ESR1: variants seen among roughly 807,000 people sequenced by gnomAD.
The protein encoded by ESR1 is estrogen receptor 1.
ESR1 carries 12 observed loss-of-function variants against 52.7 expected under a neutral mutation model. The observed-to-expected ratio is 0.23, with a 90% CI of 0.15 to 0.37. ESR1 has a LOEUF of 0.37. Ranked by LOEUF, ESR1 falls within the 10% of genes least tolerant of loss-of-function variation. The pLI is 1.00. For synonymous variants in ESR1, 305 were observed against 316.8 expected (o/e 0.96, Z 0.39); for missense variants, 584 against 779.7 (o/e 0.75, Z 2.99).
intron 1 of ESR1, among the ~76,000 whole-genome samples, chr6:151,666,967 G>C (rs1280098727): frequency 6.6e-6 from 1 of 152,150 alleles, no homozygotes; most frequent in Non-Finnish European, 1.5e-5. Context: ...GGCAGGAGAG[G>C]AGAGAGGTGG....
intron 5 of ESR1, among the ~76,000 whole-genome samples, chr6:152,027,478 ACT>A (rs952712879): frequency 4.6e-5 from 7 of 151,436 alleles, no homozygotes; most frequent in African/African-American, 1.7e-4. Flanking sequence ...GCTCATGATA[ACT>A]CTTTTTTCTT....
At chr6:152,014,683 T>C (rs2043033056) in intron 5 of ESR1, among the ~76,000 whole-genome samples, 1 of 152,018 alleles carries the variant, frequency 6.6e-6, no homozygotes, top group Non-Finnish European at 1.5e-5. Flanking sequence ...CTCCCCTCTA[T>C]CCCCATTCCT....
At chr6:151,735,565 G>GTT (rs113117602) in intron 2 of ESR1, among the ~76,000 whole-genome samples, 1 of 147,174 alleles carries the variant, frequency 6.8e-6, no homozygotes, top group Non-Finnish European at 1.5e-5. Flanking sequence ...GTTTGTTTTT[G>GTT]TTTTTTTTTT....
At chr6:151,899,841 C>T (rs1367989975) in intron 3 of ESR1, among the ~76,000 whole-genome samples, 2 of 151,702 alleles carry the variant, frequency 1.3e-5, no homozygotes, top group South Asian at 2.1e-4. Flanking sequence ...GATGGGATGG[C>T]GGCCGGGAAG....
intron 1 of ESR1, among the ~76,000 whole-genome samples, chr6:151,658,818 G>A (rs1173284450): frequency 6.6e-6 from 1 of 152,160 alleles, no homozygotes; most frequent in Non-Finnish European, 1.5e-5. Context: ...TAAGGAAGCT[G>A]AGGCTTGGAA....
intron 3 of ESR1, among the ~76,000 whole-genome samples, chr6:151,922,018 C>G (rs140782182): frequency 2.0e-5 from 3 of 152,096 alleles, no homozygotes; most frequent in African/African-American, 7.2e-5. Flanking sequence ...TTGCCTGTGC[C>G]TATATATTTA....
intron 2 of ESR1, among the ~76,000 whole-genome samples, chr6:151,713,027 G>A (rs940904114): frequency 1.3e-5 from 2 of 152,068 alleles, no homozygotes; most frequent in African/African-American, 4.8e-5. Flanking sequence ...TGCCTACTTT[G>A]TTGAGAGTTT....
At chr6:151,977,701 A>G (rs1300437936) in intron 4 of ESR1, among the ~76,000 whole-genome samples, 1 of 152,018 alleles carries the variant, frequency 6.6e-6, no homozygotes, top group Admixed American at 6.6e-5. Context: ...AGGCTGAGGC[A>G]CAAGAATTGC....
intron 2 of ESR1, among the ~76,000 whole-genome samples, chr6:151,855,071 A>G (rs986021232): frequency 1.3e-5 from 2 of 152,024 alleles, no homozygotes. Flanking sequence ...GGGCCACCAC[A>G]CCCAACTAAT....
chr6:151,901,533 C>G (rs1796694012), intron 3 of ESR1, among the ~76,000 whole-genome samples: 1 of 152,212 alleles, frequency 6.6e-6, no homozygotes, highest in East Asian at 1.9e-4. Flanking sequence ...CCCAGTTCCT[C>G]TGGCCACCCT....
chr6:151,717,595 C>G (rs894034754), intron 2 of ESR1, among the ~76,000 whole-genome samples: 1 of 152,042 alleles, frequency 6.6e-6, no homozygotes, highest in Non-Finnish European at 1.5e-5. Flanking sequence ...TAGCATAAAG[C>G]TAATCCAGGA....
chr6:151,682,409 C>G (rs903161443), intron 1 of ESR1, among the ~76,000 whole-genome samples: 1 of 152,152 alleles, frequency 6.6e-6, no homozygotes, highest in African/African-American at 2.4e-5. Context: ...TTATTCTGAG[C>G]TGCCGGGAGC....
chr6:152,057,830 A>G (rs1484677604), intron 5 of ESR1, among the ~76,000 whole-genome samples: 11 of 152,178 alleles, frequency 7.2e-5, no homozygotes, highest in South Asian at 2.1e-4. Flanking sequence ...GTTGACAGGT[A>G]ATAATTCCTG....
chr6:151,688,335 G>C (rs1010541587), upstream of ESR1, among the ~76,000 whole-genome samples: 1 of 152,166 alleles, frequency 6.6e-6, no homozygotes, highest in Non-Finnish European at 1.5e-5. Context: ...CCTTGTGCTG[G>C]TTCAGATTCT....
At chr6:151,952,690 A>T (rs563279565) in intron 4 of ESR1, among the ~76,000 whole-genome samples, 1 of 152,302 alleles carries the variant, frequency 6.6e-6, no homozygotes, top group Non-Finnish European at 1.5e-5. Context: ...TGTTTCCTTC[A>T]TGGTATATTT....
chr6:152,057,382 T>C (rs1381131991), intron 5 of ESR1, among the ~76,000 whole-genome samples: 1 of 152,212 alleles, frequency 6.6e-6, no homozygotes, highest in Non-Finnish European at 1.5e-5. Context: ...TTATTTATTA[T>C]GCAAATAGTG....
upstream of ESR1, chr6:151,807,426 C>G (rs1052529639): frequency 9.8e-6 from 2 of 203,582 alleles, no homozygotes; most frequent in African/African-American, 4.6e-5. Flanking sequence ...CCAGTCTTCC[C>G]TGGGCCACCT....
At position 152,053,744 on chromosome 6, in the gene ESR1, C is replaced by T. The variant is rs188572064; in HGVS notation, c.1236-7247C>T. 3.3e-5 allele frequency among the ~76,000 whole-genome samples: 5 copies of T among 151,766 alleles called. No homozygotes were observed. The highest frequency in any genetic ancestry group is 3.3e-4 in the Admixed American group (5 of 15,232). ...CAGATATCTCCAAAATTTGTATTTC[C>T]GGATATTTTATGCTTTCATGGAGGC... is the stretch of plus-strand genomic sequence containing the variant. On this transcript the variant is annotated intron_variant, in intron 5 of 7. Transcript: ENST00000206249. This position sits in a 1 kb window ranked among gnomAD's most constrained non-coding sequence, Gnocchi z 4.1.
At chr6:151,945,790 A>T (rs1164117915) in intron 4 of ESR1, among the ~76,000 whole-genome samples, 1 of 152,216 alleles carries the variant, frequency 6.6e-6, no homozygotes, top group Non-Finnish European at 1.5e-5. Flanking sequence ...GGCCAAGTGA[A>T]CTTATGTCTG....
Sources: gnomAD v4.1 joint callset for allele counts (sites outside exome capture counted in the v4.1 genomes callset) on GRCh38, gnomAD v4.1.1 for gene constraint, Gnocchi (gnomAD v3.1) non-coding constraint, MANE v1.5 for transcripts, NCBI Gene and HGNC (gene_info 2026-07-23, HGNC 2026-07-21) for gene names.